The following KCNT2 variants were observed in gnomAD, a reference collection of about 807,000 sequenced individuals.
KCNT2 encodes potassium channel subfamily T member 2.
Under a neutral mutation model 153.8 loss-of-function variants are expected in KCNT2, and 67 were observed. The observed-to-expected ratio is 0.44, with a 90% confidence interval of 0.36 to 0.53. The LOEUF is 0.53. Among genes scored for constraint, KCNT2 ranks in the 20% least tolerant of loss-of-function variants. KCNT2 has a pLI of 0.00. For missense variants in KCNT2, 975 were observed against 1,354.8 expected, an observed-to-expected ratio of 0.72 and a Z score of 4.40; for synonymous variants, 500 against 458.8, an observed-to-expected ratio of 1.09 and a Z score of -1.15.
At chr1:196,312,026 T>A (rs1662230996) in intron 21 of KCNT2, among the ~76,000 whole-genome samples, 1 of 151,878 alleles carries the variant, frequency 6.6e-6, no homozygotes, top group African/African-American at 2.4e-5. Flanking sequence ...TCTTGTTAGC[T>A]AAATCTTTAG....
At chr1:196,383,525 G>GGA (rs1669688666) in intron 13 of KCNT2, among the ~76,000 whole-genome samples, 1 of 152,110 alleles carries the variant, frequency 6.6e-6, no homozygotes, top group African/African-American at 2.4e-5. Flanking sequence ...TGAGGTGGAA[G>GGA]GAGAGTGTTT....
chr1:196,233,479 T>G (rs151177536), intron 27 of KCNT2, among the ~76,000 whole-genome samples: 116 of 151,582 alleles, frequency 7.7e-4, no homozygotes, highest in Admixed American at 2.6e-3. Flanking sequence ...ATTATTCTAC[T>G]GTTTCTTCTG....
At position 196,425,917 on chromosome 1, in the gene KCNT2, C is replaced by T; in HGVS notation, c.1056G>A (p.Met352Ile). 1 of 1,612,408 alleles carries T rather than the reference C, an allele frequency of 6.2e-7. No homozygotes were observed. Among genetic ancestry groups the T allele is most frequent in the Non-Finnish European group, 8.5e-7 (1 of 1,178,880 alleles). ...GAAGGTAGATAACTCGTTGGGACCACATTGGAATCTGCAGTACCCTTCGAA... is the reference window on the plus strand; with the variant it reads ...GAAGGTAGATAACTCGTTGGGACCATATTGGAATCTGCAGTACCCTTCGAA... ...VQVRRVLQIP[M>I]WSQRVIYLQG... is the part of the protein sequence containing the mutation. Residue 352 changes from methionine to isoleucine, a missense_variant, in exon 11 of 28, where the codon ATG (methionine) becomes ATA (isoleucine). Transcript: ENST00000294725.
chr1:196,372,110 G>GT (rs1404525291), intron 14 of KCNT2, among the ~76,000 whole-genome samples: 1 of 152,006 alleles, frequency 6.6e-6, no homozygotes, highest in Non-Finnish European at 1.5e-5. Flanking sequence ...TTAAAGGCTT[G>GT]TAAGTATATA....
chr1:196,473,593 C>T (rs1375381067), intron 5 of KCNT2, among the ~76,000 whole-genome samples: 1 of 152,144 alleles, frequency 6.6e-6, no homozygotes, highest in Non-Finnish European at 1.5e-5. Flanking sequence ...TACAGTGGGG[C>T]AATGTATTTA....
intron 1 of KCNT2, among the ~76,000 whole-genome samples, chr1:196,505,963 T>C (rs983524230): frequency 4.6e-5 from 7 of 152,166 alleles, no homozygotes; most frequent in African/African-American, 1.4e-4. Flanking sequence ...AAGTTGCTTA[T>C]CAGCTTAAGG....
intron 1 of KCNT2, among the ~76,000 whole-genome samples, chr1:196,604,546 C>G (rs1395255899): frequency 6.6e-6 from 1 of 152,126 alleles, no homozygotes; most frequent in African/African-American, 2.4e-5. Flanking sequence ...TATTTCATGG[C>G]CTCACAGAAG....
chr1:196,336,081 A>G (rs988558152), intron 16 of KCNT2, among the ~76,000 whole-genome samples: 2 of 152,112 alleles, frequency 1.3e-5, no homozygotes, highest in African/African-American at 4.8e-5. Flanking sequence ...TACCTATGCA[A>G]CTGAATACAC....
Position 196,258,376 on chromosome 1 carries a change from A to G in KCNT2, c.3029T>C (p.Leu1010Pro). Residue 1010 changes from leucine (L) to proline (P), a missense_variant, in exon 26 of 28, where the codon CTG becomes CCG. Leu to Pro is a moderately conservative substitution (Grantham distance 98, BLOSUM62 -3). Coordinates refer to ENST00000294725, the MANE Select transcript of KCNT2 (RefSeq NM_198503.5). The stretch of plus-strand genomic sequence containing the variant: ...GGCCCACTGCATGCTTTTTCTCCGC[A>G]GCAAGGGATGGTCCGACTGATCACT... ...TSSDQSDHPLLRRKSMQWARR... is the reference protein window; with the variant it reads ...TSSDQSDHPLPRRKSMQWARR... The G allele has an allele frequency of 6.2e-7, 1 of 1,613,982 alleles. No individual in the cohort carries two copies.
intron 1 of KCNT2, among the ~76,000 whole-genome samples, chr1:196,535,878 A>C (rs1428196454): frequency 6.6e-6 from 1 of 152,264 alleles, no homozygotes; most frequent in Non-Finnish European, 1.5e-5. Context: ...GGCATTGGAT[A>C]CATATCATGC....
intron 1 of KCNT2, among the ~76,000 whole-genome samples, chr1:196,552,925 T>C (rs930926608): frequency 3.3e-5 from 5 of 150,740 alleles, no homozygotes; most frequent in Non-Finnish European, 5.9e-5. Context: ...AATGGATATG[T>C]GAAAAATAAA....
rs924818209 is a variant in KCNT2 at position 196,450,377 on chromosome 1, C to T, written c.638+14916G>A. Reference sequence around the variant, plus strand: ...CAAATTTACACATTAATCCTAATCCCTCTACTGAACTCCAGGATCCTATAG... The same window carrying T: ...CAAATTTACACATTAATCCTAATCCTTCTACTGAACTCCAGGATCCTATAG... On this transcript the variant is annotated intron_variant, in intron 8 of 27. Coordinates refer to ENST00000294725, the MANE Select transcript of KCNT2 (RefSeq NM_198503.5). 2.0e-5 allele frequency among the ~76,000 whole-genome samples: 3 copies of T among 152,004 alleles called. No individual in the cohort carries two copies. In the South Asian group the frequency reaches 6.2e-4, roughly 31 times the overall value.
intron 1 of KCNT2, among the ~76,000 whole-genome samples, chr1:196,510,384 A>G (rs1416969): frequency 0.98 from 149,634 of 152,198 alleles, 73,603 homozygotes; most frequent in Middle Eastern, 1. Flanking sequence ...ATAAACAATG[A>G]AACTGCTCCA....
chr1:196,369,391 T>C (rs1489819394), intron 14 of KCNT2, among the ~76,000 whole-genome samples: 2 of 152,002 alleles, frequency 1.3e-5, no homozygotes, highest in South Asian at 2.1e-4. Context: ...TAGTTACATA[T>C]GTATACATGT....
At chr1:196,450,774 T>C (rs1037842323) in intron 8 of KCNT2, among the ~76,000 whole-genome samples, 4 of 151,864 alleles carry the variant, frequency 2.6e-5, no homozygotes, top group Non-Finnish European at 5.9e-5. Flanking sequence ...CTGTTCTCCA[T>C]ATAGTATCCA....
chr1:196,278,874 A>T (rs1213733312), intron 25 of KCNT2, among the ~76,000 whole-genome samples: 3 of 152,144 alleles, frequency 2.0e-5, no homozygotes, highest in Non-Finnish European at 2.9e-5. Flanking sequence ...CTAATCCTCA[A>T]TGTTGATGAT....
intron 5 of KCNT2, among the ~76,000 whole-genome samples, chr1:196,473,038 A>G (rs1163476167): frequency 1.3e-5 from 2 of 152,230 alleles, no homozygotes; most frequent in Non-Finnish European, 1.5e-5. Flanking sequence ...CTTATTTTAA[A>G]GATCATTCCT....
At chr1:196,250,804 G>A (rs1655896292) in intron 26 of KCNT2, among the ~76,000 whole-genome samples, 1 of 151,908 alleles carries the variant, frequency 6.6e-6, no homozygotes, top group Non-Finnish European at 1.5e-5. Flanking sequence ...ATTTAAAAAT[G>A]GGCAAAAGAG....
intron 8 of KCNT2, among the ~76,000 whole-genome samples, chr1:196,438,303 A>T (rs945249390): frequency 6.6e-6 from 1 of 151,830 alleles, no homozygotes; most frequent in East Asian, 1.9e-4. Flanking sequence ...GTCAGGGATT[A>T]TAGAGAGAGA....
Sources: gnomAD v4.1 joint callset for allele counts (sites outside exome capture counted in the v4.1 genomes callset) on GRCh38, gnomAD v4.1.1 for gene constraint, MANE v1.5 for transcripts, NCBI Gene and HGNC (gene_info 2026-07-23, HGNC 2026-07-21) for gene names.